Variants in DMXL1 observed in about 807,000 individuals in gnomAD.
The protein encoded by DMXL1 is dmX-like protein 1.
A neutral mutation model predicts 319.2 loss-of-function variants in DMXL1; 99 were observed. The ratio of observed to expected loss-of-function variants is 0.31; its 90% CI spans 0.26 to 0.37. The LOEUF (loss-of-function observed/expected upper bound fraction) is 0.37. Ranked by LOEUF, DMXL1 falls within the 10% of genes least tolerant of loss-of-function variation. DMXL1 has a pLI of 1.00. For synonymous variants in DMXL1, 1,385 were observed against 1,235.2 expected (o/e 1.12, Z -2.54); for missense variants, 3,745 against 3,595.6 (o/e 1.04, Z -1.06).
chr5:119,212,481 C>T (rs1163587734), intron 34 of DMXL1, among the ~76,000 whole-genome samples: 4 of 152,132 alleles, frequency 2.6e-5, no homozygotes, highest in Admixed American at 2.6e-4. Flanking sequence ...TTGTGTCTGT[C>T]TTGGTTATTG....
intron 31 of DMXL1, among the ~76,000 whole-genome samples, chr5:119,196,791 G>C (rs934302467): frequency 5.9e-5 from 9 of 152,088 alleles, no homozygotes; most frequent in Admixed American, 2.0e-4. Flanking sequence ...AACTTCAAAG[G>C]AGGAAAAGAT....
intron 10 of DMXL1, among the ~76,000 whole-genome samples, chr5:119,132,431 A>C (rs1477653744): frequency 2.0e-5 from 3 of 152,206 alleles, no homozygotes; most frequent in African/African-American, 7.2e-5. Context: ...CTGTAATGCC[A>C]GTACTTTGGG....
chr5:119,196,604 C>T (rs1468671503), intron 31 of DMXL1, 148 bp downstream of exon 31: 1 of 627,998 alleles, frequency 1.6e-6, no homozygotes. Context: ...CTAAACCAAC[C>T]ATCTGTAAAT....
chr5:119,175,612 T>C (rs1775646699), intron 26 of DMXL1, among the ~76,000 whole-genome samples: 1 of 152,094 alleles, frequency 6.6e-6, no homozygotes, highest in Non-Finnish European at 1.5e-5. Context: ...GCAAATAATA[T>C]GATAAAGTCT....
At chr5:119,104,814 G>C (rs1757980898) in intron 3 of DMXL1, among the ~76,000 whole-genome samples, 2 of 152,140 alleles carry the variant, frequency 1.3e-5, no homozygotes, top group African/African-American at 4.8e-5. Context: ...TATGATCTCA[G>C]ATGGGGACAA....
At chr5:119,190,431 A>G (rs1778505232) in intron 29 of DMXL1, among the ~76,000 whole-genome samples, 1 of 152,196 alleles carries the variant, frequency 6.6e-6, no homozygotes, top group South Asian at 2.1e-4. Flanking sequence ...TCAGTGACCA[A>G]TCATGTCAGT....
Position 119,105,081 on chromosome 5 carries a change from ACTGC to A in DMXL1, c.286-95_286-92del, listed in dbSNP as rs1758038717. The A allele has an allele frequency of 2.7e-6, 2 of 739,126 alleles. 1 individual carries two copies. The highest frequency in any genetic ancestry group is 3.5e-5 in the African/African-American group (2 of 56,580). 45.8% of individuals were successfully genotyped at this position (739,126 alleles called of 1,614,324 possible). On this transcript the variant is annotated intron_variant, in intron 3 of 43. Coordinates refer to ENST00000539542, the MANE Select transcript of DMXL1 (RefSeq NM_001290321.3). Reference sequence around the variant, plus strand: ...GAACATTTTGTTATCTTTAAAATTGACTGCCTGTGTTATTGTAAGAATAACAAGC... The same window carrying A: ...GAACATTTTGTTATCTTTAAAATTGACTGTGTTATTGTAAGAATAACAAGC...
intron 5 of DMXL1, among the ~76,000 whole-genome samples, chr5:119,113,678 G>A (rs1760175562): frequency 6.6e-6 from 1 of 152,178 alleles, no homozygotes; most frequent in Non-Finnish European, 1.5e-5. Context: ...CATTGGCTTT[G>A]TCTGAGGAAA....
At chr5:119,073,450 T>C (rs1231979088) in intron 1 of DMXL1, among the ~76,000 whole-genome samples, 1 of 152,218 alleles carries the variant, frequency 6.6e-6, no homozygotes, top group African/African-American at 2.4e-5. Context: ...CCTATTTATA[T>C]ACCTGGATGC....
At chr5:119,084,162 C>A (rs1055996512) in intron 1 of DMXL1, among the ~76,000 whole-genome samples, 7 of 151,930 alleles carry the variant, frequency 4.6e-5, no homozygotes, top group African/African-American at 1.7e-4. Context: ...GTGCTGTTGC[C>A]CAGGCTGGAG....
rs948163275 is a variant in DMXL1, at chr5:119,148,682, A to C, written c.2912-57A>C. On this transcript the variant is annotated intron_variant, in intron 17 of 43. Coordinates refer to ENST00000539542, the MANE Select transcript of DMXL1 (RefSeq NM_001290321.3). ...AAAAGACTAAAATCGTAAGTACATA[A>C]AAACAGAAGTATTTAACCAAATTTG... is the stretch of plus-strand genomic sequence containing the variant. 5 of 1,527,216 alleles carry C rather than the reference A, an allele frequency of 3.3e-6. No homozygotes were observed. The African/African-American group carries it at 5.5e-5, about 17-fold the overall frequency. 94.6% of individuals were successfully genotyped at this position (1,527,216 alleles called of 1,614,324 possible).
intron 28 of DMXL1, among the ~76,000 whole-genome samples, chr5:119,183,040 G>C (rs946457771): frequency 6.6e-6 from 1 of 152,076 alleles, no homozygotes; most frequent in Non-Finnish European, 1.5e-5. Flanking sequence ...TCATAGTAAT[G>C]ACTTTTTTAT....
chr5:119,079,763 T>A (rs1751778538), intron 1 of DMXL1, among the ~76,000 whole-genome samples: 1 of 152,180 alleles, frequency 6.6e-6, no homozygotes, highest in African/African-American at 2.4e-5. Flanking sequence ...GTACCTTGCT[T>A]TCTCTTTGGC....
At chr5:119,087,621 A>C (rs755193462) in intron 1 of DMXL1, among the ~76,000 whole-genome samples, 3 of 152,100 alleles carry the variant, frequency 2.0e-5, no homozygotes, top group Non-Finnish European at 4.4e-5. Context: ...AAAATAATGT[A>C]TATTCTGCAG....
At chr5:119,085,292 A>G (rs966800701) in intron 1 of DMXL1, among the ~76,000 whole-genome samples, 4 of 152,028 alleles carry the variant, frequency 2.6e-5, no homozygotes, top group African/African-American at 9.7e-5. Flanking sequence ...GATTGGTGCC[A>G]CTGCACTCCA....
At chr5:119,121,409 C>T (rs1366544255) in intron 9 of DMXL1, among the ~76,000 whole-genome samples, 5 of 151,762 alleles carry the variant, frequency 3.3e-5, no homozygotes, top group Non-Finnish European at 7.4e-5. Context: ...TCTGGTTTTC[C>T]TAGGCAGAGG....
chr5:119,150,061 C>T lies in DMXL1; in HGVS notation c.4234C>T (p.Leu1412Phe), dbSNP rs777597695. ...TCCTCCACTTCCTTTATATGCCTTA[C>T]TTGCAGCAGATGATGATAGCTGTTA... The part of the protein sequence containing the change: ...SVPPLPLYAL[L>F]AADDDSCYSS... Residue 1412 changes from leucine (L) to phenylalanine (F), a missense_variant, in exon 18 of 44, where the codon CTT (leucine) becomes TTT (phenylalanine). This residue lies in a region of DMXL1 where 2,096 missense variants were observed against 1,985.4 expected (regional missense o/e 1.06). Transcript: ENST00000539542. 2 of 1,613,878 alleles carry T rather than the reference C, an allele frequency of 1.2e-6. No individual in the cohort carries two copies. The highest frequency in any genetic ancestry group is 1.1e-5 in the South Asian group (1 of 91,072).
chr5:119,148,068 A>G (rs1236073585), intron 17 of DMXL1, among the ~76,000 whole-genome samples: 6 of 152,186 alleles, frequency 3.9e-5, no homozygotes, highest in Non-Finnish European at 5.9e-5. Context: ...ATACTAATCA[A>G]AAATACAAAT....
chr5:119,126,679 A>G (rs1763651933), intron 9 of DMXL1: 2 of 152,694 alleles, frequency 1.3e-5, no homozygotes, highest in Non-Finnish European at 2.9e-5. Context: ...GTGAAGATTG[A>G]TTAGACAGAT....
Sources: gnomAD v4.1 joint callset for allele counts (sites outside exome capture counted in the v4.1 genomes callset) on GRCh38, gnomAD v4.1.1 for gene constraint, gnomAD v4.1.1 regional missense constraint, MANE v1.5 for transcripts, NCBI Gene and HGNC (gene_info 2026-07-23, HGNC 2026-07-21) for gene names.